The following GPR143 variants were observed in gnomAD, a reference collection of about 807,000 sequenced individuals.
GPR143 encodes G-protein coupled receptor 143.
GPR143 carries 8 observed loss-of-function variants against 27.6 expected under a neutral mutation model. That is an observed-to-expected ratio of 0.29 (90% CI 0.17 to 0.52). GPR143 has a LOEUF of 0.52. Ranked by LOEUF, GPR143 falls within the 20% of genes least tolerant of loss-of-function variation. The pLI is 0.96. For missense variants in GPR143, 303 were observed against 343.1 expected (o/e 0.88, Z 0.92); for synonymous variants, 156 against 153.2 (o/e 1.02, Z -0.13).
chrX:9,759,861 A>C (rs2083488566), intron 2 of GPR143, among the ~76,000 whole-genome samples: 1 of 111,110 alleles, frequency 9.0e-6, no homozygotes, highest in South Asian at 3.9e-4. Context: ...CTGCGGGCTG[A>C]GACAGAGCCT....
At chrX:9,750,423 G>GGCCTCA (rs2083446768) in intron 3 of GPR143, among the ~76,000 whole-genome samples, 1 of 108,357 alleles carries the variant, frequency 9.2e-6, no homozygotes, top group South Asian at 4.0e-4. Flanking sequence ...TGCCCAGGCT[G>GGCCTCA]GTTTCAAACT....
intron 1 of GPR143, among the ~76,000 whole-genome samples, chrX:9,778,154 T>C (rs139065906): frequency 7.1e-5 from 8 of 111,906 alleles, no homozygotes; most frequent in Non-Finnish European, 1.3e-4. Context: ...AAATGTTGGA[T>C]GCATACATTA....
chrX:9,764,504 GCA>G (rs201690882), intron 1 of GPR143, among the ~76,000 whole-genome samples: 2,325 of 99,004 alleles, frequency 0.023, 35 homozygotes, highest in East Asian at 0.032. Context: ...TTACACACGC[GCA>G]CACACACACA....
At chrX:9,759,561 G>C in intron 2 of GPR143, 135 bp from the exon 3 acceptor site, 1 of 516,485 alleles carries the variant, frequency 1.9e-6, no homozygotes, top group South Asian at 2.5e-5. Context: ...CGGGACACAA[G>C]TGGGCACAGT....
chrX:9,764,741 A>C (rs1449475857), intron 1 of GPR143, among the ~76,000 whole-genome samples: 1 of 111,604 alleles, frequency 9.0e-6, no homozygotes, highest in Non-Finnish European at 1.9e-5. Context: ...AAAACTACCT[A>C]GTCGGCCGGG....
intron 3 of GPR143, among the ~76,000 whole-genome samples, chrX:9,755,219 A>G (rs1383745842): frequency 9.0e-6 from 1 of 111,330 alleles, no homozygotes; most frequent in South Asian, 3.8e-4. Flanking sequence ...GGAGTTCGAG[A>G]CCAGCCTGAC....
intron 3 of GPR143, among the ~76,000 whole-genome samples, chrX:9,757,092 A>G (rs1226895500): frequency 1.8e-5 from 2 of 112,824 alleles, no homozygotes; most frequent in Non-Finnish European, 3.7e-5. Context: ...GTTTTAGTCC[A>G]TGTAGGCTGC....
chrX:9,774,034 C>G (rs746550417), intron 1 of GPR143, among the ~76,000 whole-genome samples: 3 of 110,467 alleles, frequency 2.7e-5, no homozygotes, highest in Non-Finnish European at 5.7e-5. Context: ...CCTCTAATCT[C>G]AGTGACTTGG....
chrX:9,739,333 G>A lies in GPR143; in HGVS notation c.1120+152C>T, dbSNP rs11095519. ...GAGTTTTGGTTGTCACAATTGGGGAGGTGCAACTGGAAGCTAGTGAGTTCA... is the reference window on the plus strand; with the variant it reads ...GAGTTTTGGTTGTCACAATTGGGGAAGTGCAACTGGAAGCTAGTGAGTTCA... On this transcript the variant is annotated intron_variant, in intron 8 of 8. Coordinates refer to ENST00000467482, the MANE Select transcript of GPR143 (RefSeq NM_000273.3). 0.17 allele frequency: 81,527 copies of A among 486,303 alleles called. 7,749 individuals are homozygous for A. The highest frequency in any genetic ancestry group is 0.62 in the East Asian group (16,849 of 27,087). 40.1% of individuals were successfully genotyped at this position (486,303 alleles called of 1,213,427 possible).
intron 8 of GPR143, chrX:9,726,123 A>AT (rs2083326072): frequency 1.3e-5 from 4 of 312,599 alleles, no homozygotes; most frequent in African/African-American, 6.0e-5. Flanking sequence ...TGACTGCGGC[A>AT]CAGATGCTGC....
intron 5 of GPR143, among the ~76,000 whole-genome samples, chrX:9,745,059 C>A (rs999929754): frequency 2.1e-4 from 24 of 111,965 alleles, no homozygotes; most frequent in African/African-American, 7.2e-4. Flanking sequence ...TAAGACCAGC[C>A]TGGCCAACAT....
chrX:9,741,196 T>C (rs886390651), intron 7 of GPR143, 142 bp downstream of exon 7: 2 of 422,513 alleles, frequency 4.7e-6, no homozygotes, highest in Non-Finnish European at 8.4e-6. Flanking sequence ...AGACAGAGGA[T>C]TGCTTGAGCC....
rs930372623 is a variant in GPR143 at position 9,741,565 on chromosome X, C to T, written c.768-110G>A. The T allele has an allele frequency of 1.6e-5, 8 of 501,489 alleles. No individual in the cohort carries two copies. In the African/African-American group the frequency reaches 1.6e-4, roughly 10 times the overall value. 41.3% of individuals were successfully genotyped at this position (501,489 alleles called of 1,213,427 possible). On this transcript the variant is annotated intron_variant, in intron 6 of 8. Coordinates refer to ENST00000467482, the MANE Select transcript of GPR143 (RefSeq NM_000273.3). ...ACCAAGACCTAAAAGTACCAACTCC[C>T]GGTATAGACATGGCCACTTCTGCAG...
At chrX:9,773,497 ACACACACACACACATAAACACACACG>A (rs2083561358) in intron 1 of GPR143, among the ~76,000 whole-genome samples, 1 of 110,586 alleles carries the variant, frequency 9.0e-6, no homozygotes, top group Non-Finnish European at 1.9e-5. Context: ...ACACACACAC[ACACACACACACACATAAACACACACG>A]CACACACATA....
intron 4 of GPR143, 37 bp downstream of exon 4, chrX:9,748,537 G>T: frequency 1.1e-6 from 1 of 916,706 alleles, no homozygotes; most frequent in Non-Finnish European, 1.6e-6. Flanking sequence ...TATGAGCCAA[G>T]GATGGGGCTG....
intron 5 of GPR143, 36 bp from the exon 6 acceptor site, chrX:9,743,709 T>C (rs750913520): frequency 1.2e-6 from 1 of 815,079 alleles, no homozygotes; most frequent in Non-Finnish European, 1.9e-6. Context: ...ATGGTGTTCA[T>C]TATTCATGTT....
intron 3 of GPR143, among the ~76,000 whole-genome samples, chrX:9,752,518 T>C (rs2083455476): frequency 8.9e-6 from 1 of 112,294 alleles, no homozygotes; most frequent in African/African-American, 3.2e-5. Flanking sequence ...GTTAAGGATG[T>C]TTGAGATAAG....
intron 8 of GPR143, among the ~76,000 whole-genome samples, chrX:9,730,122 T>C (rs1232297419): frequency 8.9e-6 from 1 of 112,615 alleles, no homozygotes; most frequent in African/African-American, 3.2e-5. Flanking sequence ...CCTCTAGGTT[T>C]GTTTAAACTC....
chrX:9,743,499 T>C lies in GPR143; in HGVS notation c.767+66A>G, dbSNP rs2083413728. ...GGAACTTCTGGTCACGCATGCAACA[T>C]GGCAAGTTGTTTCCATAGCCCTTCC... On this transcript the variant is annotated intron_variant, in intron 6 of 8. Coordinates refer to ENST00000467482, the MANE Select transcript of GPR143 (RefSeq NM_000273.3). The C allele has an allele frequency of 8.0e-6, 5 of 627,609 alleles. No homozygotes were observed. The South Asian group carries it at 1.1e-4, about 14-fold the overall frequency. 51.7% of individuals were successfully genotyped at this position (627,609 alleles called of 1,213,427 possible).
Sources: gnomAD v4.1 joint callset for allele counts (sites outside exome capture counted in the v4.1 genomes callset) on GRCh38, gnomAD v4.1.1 for gene constraint, MANE v1.5 for transcripts, NCBI Gene and HGNC (gene_info 2026-07-23, HGNC 2026-07-21) for gene names.